PRDM16: variants seen among roughly 807,000 people sequenced by gnomAD.
The protein encoded by PRDM16 is PR/SET domain 16.
PRDM16 carries 23 observed loss-of-function variants against 110.6 expected under a neutral mutation model. The observed-to-expected ratio is 0.21, with a 90% CI of 0.15 to 0.29. The LOEUF (loss-of-function observed/expected upper bound fraction) is 0.29. PRDM16 is among the 10% of genes least tolerant of loss of function. The probability of loss-of-function intolerance (pLI) is 1.00; values close to 1 mark genes in which losing one functional copy is unlikely to be tolerated. For synonymous variants in PRDM16, 799 were observed against 781.8 expected, an observed-to-expected ratio of 1.02 and a Z score of -0.37; for missense variants, 1,615 against 1,794.3, an observed-to-expected ratio of 0.90 and a Z score of 1.81.
intron 4 of PRDM16, 76 bp from the exon 5 acceptor site, chr1:3,396,415 G>C (rs931343287): frequency 1.2e-6 from 1 of 813,568 alleles, no homozygotes; most frequent in African/African-American, 1.7e-5. Flanking sequence ...CAGTGTGAGG[G>C]CTGAGTGTGC....
At chr1:3,183,911 G>A (rs1045131269) in intron 1 of PRDM16, among the ~76,000 whole-genome samples, 1 of 152,170 alleles carries the variant, frequency 6.6e-6, no homozygotes, top group Non-Finnish European at 1.5e-5. Context: ...GGAGCGCGTC[G>A]AGGGGGCTTC....
Position 3,435,184 on chromosome 1 carries a change from AT to A in PRDM16, c.*1374del. On this transcript the variant is annotated 3_prime_UTR_variant, in exon 17 of 17. Coordinates refer to ENST00000270722, the MANE Select transcript of PRDM16 (RefSeq NM_022114.4). The stretch of plus-strand genomic sequence containing the variant: ...TTCCCATAGGGGCCAATTTCAAATA[AT>A]AATTTTTTTCCCTGATGGAATTTAC... 1 of 224,228 alleles carries A rather than the reference AT, an allele frequency of 4.5e-6. No homozygotes were observed. The highest frequency in any genetic ancestry group is 8.9e-6 in the Non-Finnish European group (1 of 112,466). The allele number at this position is 224,228 out of a possible 1,614,324, so 13.9% of individuals were successfully genotyped here.
intron 3 of PRDM16, among the ~76,000 whole-genome samples, chr1:3,273,734 G>T (rs557955806): frequency 9.9e-5 from 15 of 152,030 alleles, no homozygotes; most frequent in African/African-American, 3.6e-4. Context: ...ACATGTGTGT[G>T]CATGGATAGG....
chr1:3,098,955 G>A (rs927244124), intron 1 of PRDM16, among the ~76,000 whole-genome samples: 1 of 152,244 alleles, frequency 6.6e-6, no homozygotes, highest in Non-Finnish European at 1.5e-5. Flanking sequence ...TTGAGTGGCT[G>A]AGCGGCCTCA....
chr1:3,287,195 C>A lies in PRDM16; in HGVS notation c.438+43058C>A, dbSNP rs1640864152. On this transcript the variant is annotated intron_variant, in intron 3 of 16. Coordinates refer to ENST00000270722, the MANE Select transcript of PRDM16 (RefSeq NM_022114.4). ...TTGAAACCGTGGTGCCTCCAGGATGCCCTGAGCGCCGTAGGAGAGCTCCAC... is the reference window on the plus strand; with the variant it reads ...TTGAAACCGTGGTGCCTCCAGGATGACCTGAGCGCCGTAGGAGAGCTCCAC... 2.6e-5 allele frequency among the ~76,000 whole-genome samples: 4 copies of A among 152,304 alleles called. No homozygotes were observed. The South Asian group carries it at 8.3e-4, about 32-fold the overall frequency.
chr1:3,317,744 C>T lies in PRDM16; in HGVS notation c.439-67408C>T, dbSNP rs558994411. Among the ~76,000 whole-genome samples, 10 of 152,354 alleles carry T rather than the reference C, an allele frequency of 6.6e-5. No individual in the cohort carries two copies. The South Asian group carries it at 1.9e-3, about 28-fold the overall frequency. On this transcript the variant is annotated intron_variant, in intron 3 of 16. Transcript: ENST00000270722. ...TGCCCATGAGTGTCCCCTCCTCCTC[C>T]GGACACCACCAGCGCCGTGAGGATG...
At chr1:3,326,056 CCCCCCTTGGCCAT>C (rs1641893914) in intron 3 of PRDM16, among the ~76,000 whole-genome samples, 2 of 57,822 alleles carry the variant, frequency 3.5e-5, no homozygotes, top group Non-Finnish European at 6.8e-5. Flanking sequence ...GCCCTCTTGG[CCCCCCTTGGCCAT>C]CCTCGACCAT....
At chr1:3,236,473 T>C (rs536123630) in intron 2 of PRDM16, among the ~76,000 whole-genome samples, 89 of 152,210 alleles carry the variant, frequency 5.8e-4, no homozygotes, top group African/African-American at 2.1e-3. Flanking sequence ...GGAAAGTGAG[T>C]CCTCACAGGG....
intron 3 of PRDM16, among the ~76,000 whole-genome samples, chr1:3,281,296 C>T (rs1640707020): frequency 6.6e-6 from 1 of 152,242 alleles, no homozygotes; most frequent in South Asian, 2.1e-4. Flanking sequence ...CTTCCTACAG[C>T]TGCCGGTGGC....
At chr1:3,335,215 G>A (rs779125445) in intron 3 of PRDM16, among the ~76,000 whole-genome samples, 2 of 152,216 alleles carry the variant, frequency 1.3e-5, no homozygotes, top group African/African-American at 2.4e-5. Flanking sequence ...GAGAGGAAGC[G>A]TGTTTGGGGA....
Position 3,244,663 on chromosome 1 carries a change from C to T in PRDM16, c.438+526C>T, listed in dbSNP as rs1248151039. On this transcript the variant is annotated intron_variant, in intron 3 of 16. Coordinates refer to ENST00000270722, the MANE Select transcript of PRDM16 (RefSeq NM_022114.4). This position sits in a 1 kb window ranked among gnomAD's most constrained non-coding sequence, Gnocchi z 4.1. ...GGCTTTGCTGACTGGTGGTGGATAA[C>T]GGCTGGTGGACAAACATTAGGTCTA... Among the ~76,000 whole-genome samples, 8 of 152,074 alleles carry T rather than the reference C, an allele frequency of 5.3e-5. No homozygotes were observed. Among genetic ancestry groups the T allele is most frequent in the African/African-American group, 1.7e-4 (7 of 41,410 alleles).
chr1:3,109,536 C>T (rs12135664), intron 1 of PRDM16, among the ~76,000 whole-genome samples: 23,622 of 152,134 alleles, frequency 0.16, 2,383 homozygotes, highest in East Asian at 0.3. Context: ...TAATACTAAA[C>T]GCTCCTGGGA....
Position 3,208,824 on chromosome 1 carries a change from C to T in PRDM16, c.387+22350C>T, listed in dbSNP as rs1638813682. Among the ~76,000 whole-genome samples the T allele has an allele frequency of 6.6e-6, 1 of 152,216 alleles. No homozygotes were observed. The highest frequency in any genetic ancestry group is 6.5e-5 in the Admixed American group (1 of 15,286). ...GGGGTTTGTCCTTTGGAACCATCTC[C>T]ACCCCCTGAAGCCATCTCCTCTTGC... is the stretch of plus-strand genomic sequence containing the variant. On this transcript the variant is annotated intron_variant, in intron 2 of 16. Coordinates refer to ENST00000270722, the MANE Select transcript of PRDM16 (RefSeq NM_022114.4). This position sits in a 1 kb window ranked among gnomAD's most constrained non-coding sequence, Gnocchi z 6.1.
At chr1:3,114,311 ACACG>A (rs1290967524) in intron 1 of PRDM16, among the ~76,000 whole-genome samples, 1 of 149,316 alleles carries the variant, frequency 6.7e-6, no homozygotes, top group Non-Finnish European at 1.5e-5. Flanking sequence ...GCACGCACAC[ACACG>A]CACACACGCA....
At chr1:3,097,805 A>G (rs1239609326) in intron 1 of PRDM16, among the ~76,000 whole-genome samples, 3 of 152,118 alleles carry the variant, frequency 2.0e-5, no homozygotes, top group African/African-American at 4.8e-5. Flanking sequence ...GGCCTCGTGT[A>G]GAGAGATCCC....
intron 3 of PRDM16, among the ~76,000 whole-genome samples, chr1:3,249,076 C>G (rs956922625): frequency 6.6e-6 from 1 of 152,200 alleles, no homozygotes; most frequent in African/African-American, 2.4e-5. Context: ...CAGGATATAC[C>G]GAGTTCCTGG....
chr1:3,407,529 G>A (rs1643582792), intron 8 of PRDM16, among the ~76,000 whole-genome samples: 2 of 152,210 alleles, frequency 1.3e-5, no homozygotes, highest in Non-Finnish European at 2.9e-5. Flanking sequence ...GCTGGGGCGG[G>A]GGGTGACTGC....
chr1:3,420,207 T>A (rs1557666623), intron 12 of PRDM16, among the ~76,000 whole-genome samples: 2 of 152,222 alleles, frequency 1.3e-5, no homozygotes, highest in South Asian at 4.1e-4. Flanking sequence ...ATCCTGACTT[T>A]ATCTGGCTCA....
At chr1:3,247,278 C>T (rs953149041) in intron 3 of PRDM16, among the ~76,000 whole-genome samples, 3 of 152,230 alleles carry the variant, frequency 2.0e-5, no homozygotes, top group Non-Finnish European at 1.5e-5. Flanking sequence ...ATTCAATCAG[C>T]AGCTTGGCAT....
Sources: allele counts gnomAD v4.1 joint callset (sites outside exome capture counted in the v4.1 genomes callset), GRCh38; gene constraint gnomAD v4.1.1; non-coding constraint Gnocchi (gnomAD v3.1); transcripts MANE v1.5; gene names NCBI Gene and HGNC (gene_info 2026-07-23, HGNC 2026-07-21).